Variants in KIF3A observed in about 807,000 individuals in gnomAD.
The protein encoded by KIF3A is kinesin-like protein KIF3A.
In KIF3A, 27 loss-of-function variants were observed where a neutral mutation model predicts 92.6. The ratio of observed to expected loss-of-function variants is 0.29; its 90% CI spans 0.21 to 0.40. The LOEUF (loss-of-function observed/expected upper bound fraction) is 0.40. Among genes scored for constraint, KIF3A ranks in the 10% least tolerant of loss-of-function variants. The probability of loss-of-function intolerance (pLI) is 1.00; values close to 1 mark genes in which losing one functional copy is unlikely to be tolerated. For missense variants in KIF3A, 581 were observed against 872.6 expected, an observed-to-expected ratio of 0.67 and a Z score of 4.21; for synonymous variants, 250 against 275.4, an observed-to-expected ratio of 0.91 and a Z score of 0.92.
chr5:132,704,994 A>C (rs1405712235), intron 11 of KIF3A, among the ~76,000 whole-genome samples: 3 of 151,868 alleles, frequency 2.0e-5, no homozygotes, highest in African/African-American at 7.2e-5. Context: ...AACCTAAGAC[A>C]CAAGACAAAT....
chr5:132,728,373 A>G (rs917677414), intron 2 of KIF3A, among the ~76,000 whole-genome samples: 13 of 152,100 alleles, frequency 8.5e-5, no homozygotes, highest in African/African-American at 3.1e-4. Context: ...CTATGTTTGC[A>G]TTCTTATTTA....
At chr5:132,726,245 T>C in intron 3 of KIF3A, 33 bp from the exon 4 acceptor site, 1 of 1,584,790 alleles carries the variant, frequency 6.3e-7, no homozygotes, top group Non-Finnish European at 8.6e-7. Context: ...AGTCAAAGAG[T>C]GAAATATTCA....
chr5:132,701,729 A>G (rs1397836012), intron 15 of KIF3A, among the ~76,000 whole-genome samples: 2 of 152,140 alleles, frequency 1.3e-5, no homozygotes, highest in African/African-American at 2.4e-5. Flanking sequence ...CATGTTATCT[A>G]TATTTTACCA....
At position 132,715,734 on chromosome 5, in the gene KIF3A, T is replaced by C. The variant is rs202188475; in HGVS notation, c.1129+23A>G. On this transcript the variant is annotated intron_variant, in intron 8 of 18. Coordinates refer to ENST00000403231, the MANE Select transcript of KIF3A (RefSeq NM_001300791.2). ...AATGTATTTTTAGCCAACATAAAGA[T>C]TAATATTTTGAGGAAAAGCTACCTT... 1.8e-4 allele frequency: 277 copies of C among 1,568,504 alleles called. 2 individuals carry two copies. In the African/African-American group the frequency reaches 1.9e-3, roughly 11 times the overall value.
intron 11 of KIF3A, among the ~76,000 whole-genome samples, chr5:132,705,102 T>C (rs1438417012): frequency 6.6e-6 from 1 of 152,000 alleles, no homozygotes; most frequent in African/African-American, 2.4e-5. Flanking sequence ...TGATTCTATT[T>C]ACTGGCTTGT....
chr5:132,704,622 T>C (rs1581068610), intron 11 of KIF3A, among the ~76,000 whole-genome samples: 4 of 152,082 alleles, frequency 2.6e-5, no homozygotes, highest in Middle Eastern at 3.4e-3. Context: ...TTTCTGGTCA[T>C]ACAGTTTCTT....
At chr5:132,720,561 G>C in intron 5 of KIF3A, 48 bp downstream of exon 5, 1 of 1,237,774 alleles carries the variant, frequency 8.1e-7, no homozygotes, top group Non-Finnish European at 1.2e-6. Context: ...TTCTAAACCA[G>C]CCTACTCAAC....
rs1280657912 is a variant in KIF3A at position 132,693,136 on chromosome 5, C to T, written c.*3498G>A. The stretch of plus-strand genomic sequence containing the variant: ...GTTACAGAGGAAGTAGCACCACCCC[C>T]TCCCCCAATAAAACCTTAAATTTTT... On this transcript the variant is annotated 3_prime_UTR_variant, in exon 19 of 19. Coordinates refer to ENST00000403231, the MANE Select transcript of KIF3A (RefSeq NM_001300791.2). The T allele has an allele frequency of 2.6e-5, 4 of 151,690 alleles. No individual in the cohort carries two copies. Among genetic ancestry groups the T allele is most frequent in the African/African-American group, 7.3e-5 (3 of 41,168 alleles). 9.4% of individuals were successfully genotyped at this position (151,690 alleles called of 1,614,324 possible).
chr5:132,713,064 A>G (rs2149903595), intron 8 of KIF3A, among the ~76,000 whole-genome samples: 1 of 152,272 alleles, frequency 6.6e-6, no homozygotes. Context: ...AGGTTGAGGC[A>G]GGAGAATCGC....
At position 132,737,491 on chromosome 5, in the gene KIF3A, G is replaced by C. The variant is rs1324608489; in HGVS notation, c.-72C>G. 4 of 1,569,988 alleles carry C rather than the reference G, an allele frequency of 2.5e-6. No homozygotes were observed. The highest frequency in any genetic ancestry group is 1.8e-5 in the Admixed American group (1 of 55,254). On this transcript the variant is annotated 5_prime_UTR_variant, in exon 1 of 19. Coordinates refer to ENST00000403231, the MANE Select transcript of KIF3A (RefSeq NM_001300791.2). ...CCCAGCGACACCGGGTGCGCAGAAA[G>C]GATGGCCAGAGACTACCGAAACACC...
chr5:132,737,309 C>A, intron 1 of KIF3A, 105 bp downstream of exon 1: 1 of 1,337,532 alleles, frequency 7.5e-7, no homozygotes, highest in African/African-American at 1.5e-5. Flanking sequence ...TGCCCCGCCC[C>A]ACCCAGGCCG....
At chr5:132,735,073 AT>A (rs200800530) in intron 1 of KIF3A, among the ~76,000 whole-genome samples, 46 of 150,908 alleles carry the variant, frequency 3.0e-4, no homozygotes, top group East Asian at 2.3e-3. Flanking sequence ...CCATTTCTGA[AT>A]TTTTTTTTTC....
chr5:132,696,685 G>A lies in KIF3A; in HGVS notation c.2133-3C>T. 6.2e-7 allele frequency: 1 copy of A among 1,606,568 alleles called. No individual in the cohort carries two copies. The highest frequency in any genetic ancestry group is 1.1e-5 in the South Asian group (1 of 90,796). On this transcript the variant is annotated splice_region_variant and splice_polypyrimidine_tract_variant and intron_variant, in intron 18 of 18. Coordinates refer to ENST00000403231, the MANE Select transcript of KIF3A (RefSeq NM_001300791.2). ...TTTCAGGCTTTGCAGAACGCTTTCT[G>A]TTTGGAGAAGAAAAAAAGCAATCAT...
intron 3 of KIF3A, 26 bp downstream of exon 3, chr5:132,726,328 C>T: frequency 6.2e-7 from 1 of 1,610,424 alleles, no homozygotes; most frequent in Non-Finnish European, 8.5e-7. Flanking sequence ...TTCTCAATAT[C>T]AGAAAATAAA....
At chr5:132,712,085 G>C (rs1277944408) in intron 8 of KIF3A, among the ~76,000 whole-genome samples, 1 of 152,198 alleles carries the variant, frequency 6.6e-6, no homozygotes, top group African/African-American at 2.4e-5. Flanking sequence ...AAGGAACACA[G>C]AGTCTTGGGA....
At chr5:132,718,150 C>T (rs1461648811) in intron 5 of KIF3A, among the ~76,000 whole-genome samples, 1 of 152,134 alleles carries the variant, frequency 6.6e-6, no homozygotes, top group East Asian at 1.9e-4. Flanking sequence ...AACACACACA[C>T]ACTGCCCAAA....
intron 11 of KIF3A, among the ~76,000 whole-genome samples, chr5:132,703,835 T>C (rs1290004204): frequency 6.6e-6 from 1 of 151,856 alleles, no homozygotes; most frequent in Non-Finnish European, 1.5e-5. Flanking sequence ...TGTTGTCCAA[T>C]TGTACAATGA....
chr5:132,697,464 A>G (rs1031263597), intron 18 of KIF3A: 1 of 152,098 alleles, frequency 6.6e-6, no homozygotes, highest in South Asian at 2.1e-4. Flanking sequence ...AAAAAAAAAA[A>G]AAGTAAAATT....
At chr5:132,720,841 C>T in intron 4 of KIF3A, 127 bp from the exon 5 acceptor site, 1 of 551,376 alleles carries the variant, frequency 1.8e-6, no homozygotes, top group Admixed American at 3.4e-5. Flanking sequence ...ACTGTTCCTA[C>T]ACGCATGGAG....
Sources: gnomAD v4.1 joint callset for allele counts (sites outside exome capture counted in the v4.1 genomes callset) on GRCh38, gnomAD v4.1.1 for gene constraint, MANE v1.5 for transcripts, NCBI Gene and HGNC (gene_info 2026-07-23, HGNC 2026-07-21) for gene names.